C1GALT1: variants seen among roughly 807,000 people sequenced by gnomAD.
C1GALT1 encodes core 1 synthase, glycoprotein-N-acetylgalactosamine 3-beta-galactosyltransferase 1, also known as glycoprotein-N-acetylgalactosamine 3-beta-galactosyltransferase 1.
Under a neutral mutation model 31.0 loss-of-function variants are expected in C1GALT1, and 11 were observed. The ratio of observed to expected loss-of-function variants is 0.36; its 90% confidence interval spans 0.22 to 0.59. The LOEUF is 0.59. Among genes scored for constraint, C1GALT1 ranks in the 20% least tolerant of loss-of-function variants. The pLI is 0.79. For synonymous variants in C1GALT1, 175 were observed against 143.6 expected, an observed-to-expected ratio of 1.22 and a Z score of -1.56; for missense variants, 424 against 425.2, an observed-to-expected ratio of 1.00 and a Z score of 0.03.
At chr7:7,158,244 G>A (rs967509242) in intron 2 of C1GALT1, among the ~76,000 whole-genome samples, 121 of 152,330 alleles carry the variant, frequency 7.9e-4, no homozygotes, top group African/African-American at 2.8e-3. Flanking sequence ...GGGTTAGGAA[G>A]AGTGGTCTCT....
chr7:7,219,390 T>G (rs1279378749), intron 1 of C1GALT1, among the ~76,000 whole-genome samples: 1 of 141,622 alleles, frequency 7.1e-6, no homozygotes, highest in African/African-American at 2.8e-5. Flanking sequence ...TTGAAACAAA[T>G]GTACCCTCTG....
In C1GALT1 at chr7:7,216,610, C is replaced by CCGT. The variant is rs201134223; in HGVS notation, c.-17-17692_-17-17691insGTC. Among the ~76,000 whole-genome samples, 1,319 of 144,810 alleles carry CCGT rather than the reference C, an allele frequency of 9.1e-3. 24 individuals carry two copies. Among genetic ancestry groups the CCGT allele is most frequent in the African/African-American group, 0.032 (1,219 of 38,656 alleles). ...TACGGCCCATGCTATAAAGCACTTACCCTTGAAAGAAAACAGTTCCAGTTA... is the reference window on the plus strand; with the variant it reads ...TACGGCCCATGCTATAAAGCACTTACCGTCCTTGAAAGAAAACAGTTCCAGTTA... On this transcript the variant is annotated intron_variant, in intron 1 of 3. Coordinates refer to ENST00000436587, the MANE Select transcript of C1GALT1 (RefSeq NM_020156.5).
upstream of C1GALT1, among the ~76,000 whole-genome samples, chr7:7,180,643 T>G (rs552403730): frequency 6.6e-5 from 10 of 152,370 alleles, no homozygotes; most frequent in South Asian, 2.1e-3. Context: ...TATCTCTATA[T>G]TATGGTATTT....
chr7:7,171,823 T>C (rs1780456810), intron 2 of C1GALT1, among the ~76,000 whole-genome samples: 1 of 152,172 alleles, frequency 6.6e-6, no homozygotes, highest in Admixed American at 6.5e-5. Context: ...TATTTTGCAT[T>C]GATACCAACT....
chr7:7,230,049 T>C (rs1427732221), intron 1 of C1GALT1, among the ~76,000 whole-genome samples: 1 of 152,208 alleles, frequency 6.6e-6, no homozygotes, highest in Non-Finnish European at 1.5e-5. Context: ...ACCTCTCCTC[T>C]TCCTCTTAGG....
rs547239819 is a variant in C1GALT1, at chr7:7,236,303, T to C, written c.220+1764T>C. On this transcript the variant is annotated intron_variant, in intron 2 of 3. Coordinates refer to ENST00000436587, the MANE Select transcript of C1GALT1 (RefSeq NM_020156.5). ...AGTGAATGAAAAATTATTTATCAAG[T>C]TCAGCGGTGGACAAACCTGTCTTAC... Among the ~76,000 whole-genome samples, 129 of 152,308 alleles carry C rather than the reference T, an allele frequency of 8.5e-4. 1 individual carries two copies. In the South Asian group the frequency reaches 0.018, roughly 21 times the overall value.
At chr7:7,190,247 T>C (rs925704878) in intron 1 of C1GALT1, among the ~76,000 whole-genome samples, 6 of 152,140 alleles carry the variant, frequency 3.9e-5, no homozygotes, top group Admixed American at 3.9e-4. Context: ...CAAGACTGTG[T>C]GTCAAGGGTT....
chr7:7,237,791 C>T (rs1783432734), intron 2 of C1GALT1, among the ~76,000 whole-genome samples: 1 of 152,128 alleles, frequency 6.6e-6, no homozygotes, highest in South Asian at 2.1e-4. Flanking sequence ...TCGTTCAGAG[C>T]AGTGAGAAAT....
chr7:7,234,713 A>G (rs1267676527), intron 2 of C1GALT1, 174 bp downstream of exon 2: 1 of 546,754 alleles, frequency 1.8e-6, no homozygotes, highest in Non-Finnish European at 3.2e-6. Context: ...TTAGGGAATA[A>G]GATATTAATT....
intron 1 of C1GALT1, among the ~76,000 whole-genome samples, chr7:7,204,898 T>G (rs982867225): frequency 1.1e-4 from 17 of 152,212 alleles, no homozygotes; most frequent in Non-Finnish European, 2.1e-4. Context: ...GAAGATACTT[T>G]GTATGCTATC....
chr7:7,221,841 C>T (rs1266468603), intron 1 of C1GALT1, among the ~76,000 whole-genome samples: 1 of 152,224 alleles, frequency 6.6e-6, no homozygotes, highest in African/African-American at 2.4e-5. Flanking sequence ...CAAGGCCACC[C>T]TCACCATGCC....
At chr7:7,232,484 G>GT (rs67013405) in intron 1 of C1GALT1, among the ~76,000 whole-genome samples, 10,936 of 132,814 alleles carry the variant, frequency 0.082, 470 homozygotes, top group East Asian at 0.19. Context: ...AAGGGCGTGG[G>GT]TTTTTTTTTT....
At chr7:7,191,370 C>G (rs1359372995) in intron 1 of C1GALT1, among the ~76,000 whole-genome samples, 1 of 152,058 alleles carries the variant, frequency 6.6e-6, no homozygotes, top group Admixed American at 6.6e-5. Flanking sequence ...ATACATTTTG[C>G]TTGTTCATTC....
At chr7:7,206,351 G>A (rs1313000567) in intron 1 of C1GALT1, among the ~76,000 whole-genome samples, 1 of 151,914 alleles carries the variant, frequency 6.6e-6, no homozygotes. Flanking sequence ...TCGACTGGGA[G>A]AATTTTGCTC....
At chr7:7,186,469 A>C (rs753304831) in intron 1 of C1GALT1, among the ~76,000 whole-genome samples, 4 of 152,188 alleles carry the variant, frequency 2.6e-5, no homozygotes, top group Non-Finnish European at 4.4e-5. Flanking sequence ...AGTTGTTAGA[A>C]ATTGAAATTT....
rs1461489992 is a variant in C1GALT1, at chr7:7,238,914, C to G, written c.880C>G (p.Pro294Ala). ...GTACTGGAATTACAACTATTATCCT[C>G]CTGTAGAGGTAAGTTTAGAAATTTT... ...FWYWNYNYYP[P>A]VEGPGCCSDL... The change falls in exon 3 of 4, where the codon CCT becomes GCT. Residue 294 changes from proline to alanine, a missense_variant. Coordinates refer to ENST00000436587, the MANE Select transcript of C1GALT1 (RefSeq NM_020156.5). The surrounding 1 kb of genome is among the most constrained non-coding windows in gnomAD (Gnocchi z 5.2). The G allele has an allele frequency of 6.2e-7, 1 of 1,602,268 alleles. No individual in the cohort carries two copies.
upstream of C1GALT1, among the ~76,000 whole-genome samples, chr7:7,178,496 T>TA (rs200444958): frequency 2.0e-5 from 3 of 152,034 alleles, no homozygotes; most frequent in East Asian, 1.9e-4. Context: ...TTTAAAAAAT[T>TA]AAAAAAAATT....
intron 1 of C1GALT1, among the ~76,000 whole-genome samples, chr7:7,221,027 C>T (rs1215781082): frequency 1.3e-5 from 2 of 152,138 alleles, no homozygotes; most frequent in African/African-American, 4.8e-5. Flanking sequence ...CCCACGCGTC[C>T]TGAGGTTTCA....
chr7:7,231,686 G>A (rs934219356), intron 1 of C1GALT1, among the ~76,000 whole-genome samples: 1 of 151,554 alleles, frequency 6.6e-6, no homozygotes, highest in African/African-American at 2.4e-5. Flanking sequence ...GAGTCTTTTG[G>A]CTCTGTTTCT....
Sources: gnomAD v4.1 joint callset for allele counts (sites outside exome capture counted in the v4.1 genomes callset) on GRCh38, gnomAD v4.1.1 for gene constraint, Gnocchi (gnomAD v3.1) non-coding constraint, MANE v1.5 for transcripts, NCBI Gene and HGNC (gene_info 2026-07-23, HGNC 2026-07-21) for gene names.